The following EXOC4 variants were observed in gnomAD, a reference collection of about 807,000 sequenced individuals.
EXOC4 encodes the protein SEC8-like 1.
EXOC4 carries 71 observed loss-of-function variants against 107.2 expected under a neutral mutation model. That is an observed-to-expected ratio of 0.66 (90% CI 0.55 to 0.81). The LOEUF (loss-of-function observed/expected upper bound fraction) is 0.81. Among genes scored for constraint, EXOC4 ranks in the 30% least tolerant of loss-of-function variants. The pLI is 0.00. For missense variants in EXOC4, 1,108 were observed against 1,189.6 expected, an observed-to-expected ratio of 0.93 and a Z score of 1.01; for synonymous variants, 456 against 441.2, an observed-to-expected ratio of 1.03 and a Z score of -0.42.
intron 10 of EXOC4, among the ~76,000 whole-genome samples, chr7:133,764,386 C>T (rs1348498436): frequency 6.6e-6 from 1 of 152,030 alleles, no homozygotes; most frequent in Non-Finnish European, 1.5e-5. Context: ...CCTTTCTCTT[C>T]CAGGACGAGA....
intron 10 of EXOC4, among the ~76,000 whole-genome samples, chr7:133,803,852 A>C (rs1563004723): frequency 6.6e-6 from 1 of 152,200 alleles, no homozygotes; most frequent in Non-Finnish European, 1.5e-5. Flanking sequence ...AAGTGGACCT[A>C]TTTATGAAAT....
intron 11 of EXOC4, among the ~76,000 whole-genome samples, chr7:133,825,891 G>T (rs977592781): frequency 6.6e-6 from 1 of 152,134 alleles, no homozygotes. Flanking sequence ...TGGTCTCACT[G>T]TGCTAAAATA....
chr7:133,464,275 A>T (rs765872881), intron 7 of EXOC4, among the ~76,000 whole-genome samples: 4 of 152,094 alleles, frequency 2.6e-5, no homozygotes, highest in Non-Finnish European at 4.4e-5. Context: ...ATTATCTTTT[A>T]TTATTATTTT....
intron 7 of EXOC4, among the ~76,000 whole-genome samples, chr7:133,389,378 C>T (rs1466429658): frequency 6.6e-6 from 1 of 151,888 alleles, no homozygotes; most frequent in African/African-American, 2.4e-5. Flanking sequence ...CAAGACCAAC[C>T]TGGCCAACAT....
intron 11 of EXOC4, among the ~76,000 whole-genome samples, chr7:133,832,396 CATG>C (rs1480120667): frequency 6.6e-6 from 1 of 152,164 alleles, no homozygotes; most frequent in African/African-American, 2.4e-5. Context: ...GTGTGTCTAC[CATG>C]ATGATATCAC....
At chr7:133,520,902 A>T (rs1799966352) in intron 9 of EXOC4, among the ~76,000 whole-genome samples, 1 of 152,166 alleles carries the variant, frequency 6.6e-6, no homozygotes, top group African/African-American at 2.4e-5. Context: ...TCAACCAAGG[A>T]TGCTTTTAGA....
chr7:133,255,761 T>C (rs1584752396), intron 1 of EXOC4, among the ~76,000 whole-genome samples: 2 of 152,220 alleles, frequency 1.3e-5, no homozygotes, highest in Non-Finnish European at 2.9e-5. Context: ...TACCCAGTGG[T>C]TTAAATTTTA....
chr7:133,763,323 T>A (rs1796071237), intron 10 of EXOC4, among the ~76,000 whole-genome samples: 1 of 152,110 alleles, frequency 6.6e-6, no homozygotes, highest in African/African-American at 2.4e-5. Context: ...CTGTAACAAA[T>A]TAAAATTCCT....
chr7:133,970,649 T>C (rs1305759592), intron 14 of EXOC4, among the ~76,000 whole-genome samples: 1 of 152,164 alleles, frequency 6.6e-6, no homozygotes, highest in Non-Finnish European at 1.5e-5. Context: ...CCCACCCTGC[T>C]TCTGCTCACC....
chr7:134,053,935 A>C (rs7797594), intron 17 of EXOC4, among the ~76,000 whole-genome samples: 29,405 of 101,402 alleles, frequency 0.29, 3,440 homozygotes, highest in African/African-American at 0.45. Flanking sequence ...TTTTATTTTA[A>C]TTTATTTTAT....
At chr7:133,402,575 T>C (rs753804069) in intron 7 of EXOC4, among the ~76,000 whole-genome samples, 19 of 152,208 alleles carry the variant, frequency 1.2e-4, no homozygotes, top group Non-Finnish European at 2.5e-4. Flanking sequence ...CTTGGCTCAC[T>C]GCAACCTCCG....
chr7:133,788,484 G>T (rs899660804), intron 10 of EXOC4, among the ~76,000 whole-genome samples: 7 of 151,714 alleles, frequency 4.6e-5, no homozygotes, highest in Non-Finnish European at 1.0e-4. Context: ...TTTATGTCAT[G>T]CTCAAAACTT....
intron 15 of EXOC4, among the ~76,000 whole-genome samples, chr7:134,003,960 T>G (rs552104841): frequency 3.9e-5 from 6 of 152,212 alleles, no homozygotes; most frequent in Admixed American, 3.3e-4. Flanking sequence ...CACACAGAAA[T>G]GCCCTCCTTC....
chr7:133,658,666 G>A (rs1179672067), intron 10 of EXOC4, among the ~76,000 whole-genome samples: 1 of 152,116 alleles, frequency 6.6e-6, no homozygotes, highest in Non-Finnish European at 1.5e-5. Context: ...TAAGCACAAC[G>A]GAAAATTCCG....
At chr7:134,099,521 T>TC in the EXOC4 span, among the ~76,000 whole-genome samples, 1 of 137,728 alleles carries the variant, frequency 7.3e-6, no homozygotes, top group Non-Finnish European at 1.5e-5. Flanking sequence ...CCATCACACT[T>TC]CTTTTTTTTT....
the EXOC4 span, among the ~76,000 whole-genome samples, chr7:134,083,827 A>G: frequency 6.6e-6 from 1 of 152,226 alleles, no homozygotes; most frequent in South Asian, 2.1e-4. Context: ...AGGAATATCA[A>G]TGAATTTGCA....
intron 7 of EXOC4, among the ~76,000 whole-genome samples, chr7:133,405,908 G>A (rs959152586): frequency 6.6e-6 from 1 of 152,144 alleles, no homozygotes; most frequent in Non-Finnish European, 1.5e-5. Context: ...GATAAGGGGG[G>A]ACTATCCATT....
chr7:133,842,612 G>C (rs965891544), intron 11 of EXOC4, among the ~76,000 whole-genome samples: 1 of 152,144 alleles, frequency 6.6e-6, no homozygotes, highest in South Asian at 2.1e-4. Flanking sequence ...TTACTCTGTT[G>C]ATAGTTTCTT....
chr7:133,518,505 A>C (rs375316136), intron 9 of EXOC4, among the ~76,000 whole-genome samples: 7 of 152,126 alleles, frequency 4.6e-5, no homozygotes, highest in African/African-American at 1.7e-4. Flanking sequence ...ATAACTTAAA[A>C]GAATTGAAAA....
Sources: gnomAD v4.1 joint callset for allele counts (sites outside exome capture counted in the v4.1 genomes callset) on GRCh38, gnomAD v4.1.1 for gene constraint, MANE v1.5 for transcripts, NCBI Gene and HGNC (gene_info 2026-07-23, HGNC 2026-07-21) for gene names.